The following CDC42BPB variants were observed in gnomAD, a reference collection of about 807,000 sequenced individuals.
CDC42BPB encodes CDC42 binding protein kinase beta, also known as serine/threonine-protein kinase MRCK beta.
In CDC42BPB, 37 loss-of-function variants were observed where a neutral mutation model predicts 214.9. The observed-to-expected ratio is 0.17, with a 90% CI of 0.13 to 0.23. The LOEUF (loss-of-function observed/expected upper bound fraction) is 0.23, where lower values mean the gene tolerates loss of function less well. Among genes scored for constraint, CDC42BPB ranks in the 10% least tolerant of loss-of-function variants. The pLI is 1.00. For synonymous variants in CDC42BPB, 931 were observed against 884.0 expected, an observed-to-expected ratio of 1.05 and a Z score of -0.94; for missense variants, 1,694 against 2,227.0, an observed-to-expected ratio of 0.76 and a Z score of 4.82.
chr14:102,955,381 T>C (rs937435380), intron 21 of CDC42BPB, among the ~76,000 whole-genome samples: 4 of 152,144 alleles, frequency 2.6e-5, no homozygotes, highest in Non-Finnish European at 4.4e-5. Flanking sequence ...GATCAAGTCA[T>C]TGCACTCCAG....
intron 7 of CDC42BPB, among the ~76,000 whole-genome samples, chr14:102,982,379 A>G (rs1163508161): frequency 6.6e-6 from 1 of 152,190 alleles, no homozygotes; most frequent in Non-Finnish European, 1.5e-5. Context: ...CCAGCACTCA[A>G]TCAGGATCAT....
At chr14:103,032,542 A>C (rs1268331125) in intron 1 of CDC42BPB, among the ~76,000 whole-genome samples, 4 of 151,002 alleles carry the variant, frequency 2.6e-5, no homozygotes, top group Admixed American at 6.6e-5. Context: ...CTGCAAAAAA[A>C]AAAAAAAAAA....
At chr14:102,974,181 T>C (rs1263417869) in intron 11 of CDC42BPB, 32 bp from the exon 12 acceptor site, 2 of 1,610,494 alleles carry the variant, frequency 1.2e-6, no homozygotes, top group Non-Finnish European at 1.7e-6. Flanking sequence ...CTCTGTTCCT[T>C]TATGTGCAAT....
intron 8 of CDC42BPB, among the ~76,000 whole-genome samples, chr14:102,978,600 T>C (rs1234009232): frequency 6.6e-6 from 1 of 152,260 alleles, no homozygotes; most frequent in African/African-American, 2.4e-5. Context: ...GACTCTCAGG[T>C]TCTTGACCTA....
At chr14:102,968,748 CCT>C (rs1415478585) in intron 14 of CDC42BPB, 32 bp from the exon 15 acceptor site, 2 of 1,608,976 alleles carry the variant, frequency 1.2e-6, no homozygotes, top group Non-Finnish European at 1.7e-6. Flanking sequence ...AATTGACAAA[CCT>C]CTGTGTCCTC....
chr14:102,959,699 G>C lies in CDC42BPB; in HGVS notation c.2833C>G (p.Pro945Ala), dbSNP rs373398080. 1.2e-6 allele frequency: 2 copies of C among 1,612,200 alleles called. No homozygotes were observed. Among genetic ancestry groups the C allele is most frequent in the African/African-American group, 2.7e-5 (2 of 74,832 alleles). Reference sequence around the variant, plus strand: ...TCAAAAATGGAATCCTGAAAATCTGGAAGTTTGAGCCCTGCAAAAAGAAAC... The same window carrying C: ...TCAAAAATGGAATCCTGAAAATCTGCAAGTTTGAGCCCTGCAAAAAGAAAC... Reference protein sequence around the residue: ...KFRADTGLKLPDFQDSIFEYF... With the variant: ...KFRADTGLKLADFQDSIFEYF... Residue 945 changes from proline to alanine, a missense_variant, in exon 21 of 37, where the codon CCA becomes GCA. Coordinates refer to ENST00000361246, the MANE Select transcript of CDC42BPB (RefSeq NM_006035.4).
chr14:103,040,290 G>C (rs1887913560), intron 1 of CDC42BPB, among the ~76,000 whole-genome samples: 1 of 151,902 alleles, frequency 6.6e-6, no homozygotes, highest in African/African-American at 2.4e-5. Flanking sequence ...GGGAGGCAGA[G>C]GTTGCAGTGA....
intron 5 of CDC42BPB, among the ~76,000 whole-genome samples, chr14:102,988,640 A>C (rs568309682): frequency 6.6e-6 from 1 of 152,168 alleles, no homozygotes; most frequent in African/African-American, 2.4e-5. Context: ...CCAACTACAT[A>C]AAGAAATCAA....
intron 30 of CDC42BPB, among the ~76,000 whole-genome samples, chr14:102,942,140 G>C (rs1226952660): frequency 6.6e-6 from 1 of 152,236 alleles, no homozygotes; most frequent in Non-Finnish European, 1.5e-5. Flanking sequence ...AGGGTGTTGG[G>C]GGGTAAGAGT....
intron 1 of CDC42BPB, among the ~76,000 whole-genome samples, chr14:103,036,072 G>T (rs550068993): frequency 2.0e-5 from 3 of 151,968 alleles, no homozygotes; most frequent in Non-Finnish European, 4.4e-5. Flanking sequence ...GATCACCTGA[G>T]CCCAGGAGGT....
intron 20 of CDC42BPB, 23 bp from the exon 21 acceptor site, chr14:102,959,733 G>A (rs772305642): frequency 6.3e-7 from 1 of 1,578,084 alleles, no homozygotes. Context: ...ACAAAGAATA[G>A]TCAAGGCAAA....
At position 102,970,265 on chromosome 14, in the gene CDC42BPB, C is replaced by T; in HGVS notation, c.1885-4G>A. On this transcript the variant is annotated splice_polypyrimidine_tract_variant and splice_region_variant and intron_variant, in intron 13 of 36. Transcript: ENST00000361246. ...CATCATCAAGCTGAGCTTCCAGCTA[C>T]AAAAGGAAGATCCAGTTTCTATTAA... 6.2e-7 allele frequency: 1 copy of T among 1,609,290 alleles called. No homozygotes were observed. The highest frequency in any genetic ancestry group is 1.3e-5 in the African/African-American group (1 of 75,028).
chr14:102,966,965 G>A, intron 17 of CDC42BPB, 81 bp downstream of exon 17: 1 of 1,508,588 alleles, frequency 6.6e-7, no homozygotes, highest in Non-Finnish European at 9.0e-7. Flanking sequence ...TGGAGCACAG[G>A]ATCAGGCAGA....
rs766304993 is a variant in CDC42BPB at position 103,012,204 on chromosome 14, T to C, written c.176-16A>G. The C allele has an allele frequency of 1.9e-6, 3 of 1,598,412 alleles. No homozygotes were observed. The highest frequency in any genetic ancestry group is 2.6e-6 in the Non-Finnish European group (3 of 1,166,518). ...AATGGTTTAGCTACAAGTAAAACAG[T>C]AAAACCAACAATTTAGTCTAATCAG... is the stretch of plus-strand genomic sequence containing the variant. On this transcript the variant is annotated splice_polypyrimidine_tract_variant and intron_variant, in intron 1 of 36. Coordinates refer to ENST00000361246, the MANE Select transcript of CDC42BPB (RefSeq NM_006035.4).
Position 102,939,545 on chromosome 14 carries a change from T to C in CDC42BPB, c.4827+65A>G, listed in dbSNP as rs1891795346. 1.0e-5 allele frequency: 12 copies of C among 1,164,792 alleles called. No individual in the cohort carries two copies. The East Asian group carries it at 2.3e-4, about 23-fold the overall frequency. 72.2% of individuals were successfully genotyped at this position (1,164,792 alleles called of 1,614,324 possible). Reference sequence around the variant, plus strand: ...GCCTTTGGGACAGTCTCAGCCAGCATGGCTGCCTGAGCGGGGAGGAGGAGA... The same window carrying C: ...GCCTTTGGGACAGTCTCAGCCAGCACGGCTGCCTGAGCGGGGAGGAGGAGA... On this transcript the variant is annotated intron_variant, in intron 34 of 36. Transcript: ENST00000361246.
chr14:102,940,490 T>C (rs1891843300), intron 30 of CDC42BPB, 166 bp from the exon 31 acceptor site: 5 of 1,448,428 alleles, frequency 3.5e-6, no homozygotes, highest in Middle Eastern at 2.5e-4. Context: ...GGAATTCATC[T>C]TCATTTCAAA....
In CDC42BPB at chr14:102,967,707, A is replaced by C. The variant is rs946586121; in HGVS notation, c.2347-537T>G. 6.6e-5 allele frequency among the ~76,000 whole-genome samples: 10 copies of C among 151,716 alleles called. No homozygotes were observed. In the East Asian group the frequency reaches 7.7e-4, roughly 12 times the overall value. On this transcript the variant is annotated intron_variant, in intron 16 of 36. Coordinates refer to ENST00000361246, the MANE Select transcript of CDC42BPB (RefSeq NM_006035.4). ...ATCTCAACACAGAAGAGGTAGAGTA[A>C]AGTACAGTATTATGATCGTACGGGA...
intron 5 of CDC42BPB, among the ~76,000 whole-genome samples, chr14:102,987,753 AAAAAG>A (rs1222185718): frequency 9.2e-5 from 14 of 151,364 alleles, no homozygotes; most frequent in African/African-American, 2.9e-4. Context: ...CAGGAATACG[AAAAAG>A]AAAACAAAAC....
intron 20 of CDC42BPB, 91 bp downstream of exon 20, chr14:102,962,970 A>C: frequency 1.6e-6 from 1 of 642,800 alleles, no homozygotes; most frequent in Non-Finnish European, 2.7e-6. Context: ...AGGTGCTTCT[A>C]AAGTAACTAT....
Sources: gnomAD v4.1 joint callset for allele counts (sites outside exome capture counted in the v4.1 genomes callset) on GRCh38, gnomAD v4.1.1 for gene constraint, MANE v1.5 for transcripts, NCBI Gene and HGNC (gene_info 2026-07-23, HGNC 2026-07-21) for gene names.